The following LCK variants were observed in gnomAD, a reference collection of about 807,000 sequenced individuals.
LCK encodes tyrosine-protein kinase Lck.
LCK carries 14 observed loss-of-function variants against 64.6 expected under a neutral mutation model. The ratio of observed to expected loss-of-function variants is 0.22; its 90% CI spans 0.14 to 0.34. The LOEUF (loss-of-function observed/expected upper bound fraction) is 0.34, where lower values mean the gene tolerates loss of function less well. LCK is among the 10% of genes least tolerant of loss of function. LCK has a pLI of 1.00. For synonymous variants in LCK, 277 were observed against 263.6 expected (o/e 1.05, Z -0.49); for missense variants, 434 against 668.1 (o/e 0.65, Z 3.86).
intron 1 of LCK, among the ~76,000 whole-genome samples, chr1:32,266,599 TC>T (rs1333116292): frequency 1.4e-5 from 2 of 144,060 alleles, no homozygotes; most frequent in African/African-American, 5.2e-5. Flanking sequence ...CTCCTCCTCC[TC>T]CTCCGCCACC....
At chr1:32,281,151 A>C (rs1640445101) in intron 12 of LCK, among the ~76,000 whole-genome samples, 1 of 151,990 alleles carries the variant, frequency 6.6e-6, no homozygotes, top group Non-Finnish European at 1.5e-5. Flanking sequence ...AGGTGGGAGG[A>C]TCACCTGAGC....
At chr1:32,272,534 C>T (rs1385182595) in intron 1 of LCK, among the ~76,000 whole-genome samples, 1 of 142,088 alleles carries the variant, frequency 7.0e-6, no homozygotes, top group Non-Finnish European at 1.5e-5. Context: ...GATTGCGCCA[C>T]TGCACTTCAG....
In LCK at chr1:32,285,747, C is replaced by T. The variant is rs1028665087; in HGVS notation, c.*31C>T. 16 of 1,556,640 alleles carry T rather than the reference C, an allele frequency of 1.0e-5. No individual in the cohort carries two copies. Among genetic ancestry groups the T allele is most frequent in the Non-Finnish European group, 1.4e-5 (16 of 1,149,606 alleles). On this transcript the variant is annotated 3_prime_UTR_variant, in exon 13 of 13. Transcript: ENST00000336890. ...CTTGAGAGGCCCTGGGGTTCTCCCC[C>T]TTTCTCTCCAGCCTGACTTGGGGAG...
At position 32,275,908 on chromosome 1, in the gene LCK, A is replaced by T. The variant is rs550203611; in HGVS notation, c.482-6A>T. The stretch of plus-strand genomic sequence containing the variant: ...CGTCGCTTTGTCCATCCATTCATTC[A>T]TTCAGGATCGTTTTCACTGTCGGTC... On this transcript the variant is annotated splice_polypyrimidine_tract_variant and splice_region_variant and intron_variant, in intron 6 of 12. Coordinates refer to ENST00000336890, the MANE Select transcript of LCK (RefSeq NM_005356.5). The surrounding 1 kb of genome is among the most constrained non-coding windows in gnomAD (Gnocchi z 6.9). 2.5e-6 allele frequency: 4 copies of T among 1,614,084 alleles called. No homozygotes were observed. The African/African-American group carries it at 4.0e-5, about 16-fold the overall frequency.
At chr1:32,254,808 G>A (rs549665311) in intron 1 of LCK, among the ~76,000 whole-genome samples, 43 of 152,176 alleles carry the variant, frequency 2.8e-4, no homozygotes, top group Admixed American at 2.4e-3. Flanking sequence ...CACCTCGCCC[G>A]GCTGTTTTTG....
intron 1 of LCK, among the ~76,000 whole-genome samples, chr1:32,268,193 CA>C (rs900657622): frequency 6.8e-6 from 1 of 146,834 alleles, no homozygotes. Context: ...GACTCTGTCT[CA>C]AAAAAAATAA....
intron 1 of LCK, among the ~76,000 whole-genome samples, chr1:32,262,592 T>A (rs577466000): frequency 6.6e-6 from 1 of 150,410 alleles, no homozygotes; most frequent in East Asian, 2.0e-4. Flanking sequence ...CCTGGCTAAT[T>A]TTTGTATTTT....
intron 12 of LCK, among the ~76,000 whole-genome samples, chr1:32,284,073 G>A (rs1205282545): frequency 2.0e-5 from 3 of 151,534 alleles, no homozygotes; most frequent in African/African-American, 7.3e-5. Context: ...AGTACAGACA[G>A]GTTTTTACTA....
intron 1 of LCK, among the ~76,000 whole-genome samples, chr1:32,266,391 G>C (rs1428870167): frequency 6.6e-6 from 1 of 150,380 alleles, no homozygotes; most frequent in East Asian, 2.0e-4. Flanking sequence ...CCAGCTACTC[G>C]GGAGGCTGAG....
At chr1:32,280,317 C>T in intron 12 of LCK, 107 bp downstream of exon 12, 1 of 1,430,830 alleles carries the variant, frequency 7.0e-7, no homozygotes, top group Non-Finnish European at 9.5e-7. Context: ...GCTGCATCTC[C>T]TCTATCTTCT....
intron 1 of LCK, among the ~76,000 whole-genome samples, chr1:32,265,813 C>T (rs1639892893): frequency 6.6e-6 from 1 of 152,074 alleles, no homozygotes; most frequent in African/African-American, 2.4e-5. Context: ...TATCTCTTCT[C>T]CTTCTCCTCC....
At chr1:32,273,277 T>G (rs1197979655) in intron 1 of LCK, among the ~76,000 whole-genome samples, 1 of 144,174 alleles carries the variant, frequency 6.9e-6, no homozygotes, top group Non-Finnish European at 1.5e-5. Context: ...CTGTGAGGGG[T>G]GAGTGTGTGT....
chr1:32,273,426 G>A (rs1190071910), intron 1 of LCK, among the ~76,000 whole-genome samples: 1 of 151,656 alleles, frequency 6.6e-6, no homozygotes, highest in Non-Finnish European at 1.5e-5. Flanking sequence ...GTGAGAGAGT[G>A]TGTGTGTGGC....
chr1:32,274,579 G>A, intron 2 of LCK, 145 bp downstream of exon 2: 2 of 894,022 alleles, frequency 2.2e-6, no homozygotes, highest in Admixed American at 2.8e-5. Context: ...CCCAGAGAGG[G>A]GAAGGGAATC....
chr1:32,258,768 C>T (rs1639691154), intron 1 of LCK, among the ~76,000 whole-genome samples: 1 of 145,014 alleles, frequency 6.9e-6, no homozygotes, highest in South Asian at 2.2e-4. Flanking sequence ...CACGTCACTG[C>T]ACTCCAGCCT....
At position 32,275,623 on chromosome 1, in the gene LCK, C is replaced by G; in HGVS notation, c.432C>G (p.Pro144=). 1 of 1,573,504 alleles carries G rather than the reference C, an allele frequency of 6.4e-7. No homozygotes were observed. The highest frequency in any genetic ancestry group is 8.6e-7 in the Non-Finnish European group (1 of 1,159,976). ...RKDAERQLLA[P]GNTHGSFLIR... ...ACGCGGAGCGGCAGCTCCTGGCGCC[C>G]GGGAACACTCACGGCTCCTTCCTCA... Residue 144 remains proline, a synonymous_variant, in exon 6 of 13, where the codon CCC becomes CCG. Coordinates refer to ENST00000336890, the MANE Select transcript of LCK (RefSeq NM_005356.5). The surrounding 1 kb of genome is among the most constrained non-coding windows in gnomAD (Gnocchi z 6.9).
chr1:32,255,451 C>A (rs939507914), intron 1 of LCK, among the ~76,000 whole-genome samples: 1 of 152,166 alleles, frequency 6.6e-6, no homozygotes, highest in Non-Finnish European at 1.5e-5. Flanking sequence ...ATGGTGTATG[C>A]GGGATGTCTT....
rs546421828 is a variant in LCK, at chr1:32,251,700, G to A, written c.-6+329G>A. 2.6e-4 allele frequency among the ~76,000 whole-genome samples: 39 copies of A among 152,158 alleles called. No individual in the cohort carries two copies. Among genetic ancestry groups the A allele is most frequent in the Non-Finnish European group, 4.4e-4 (30 of 68,042 alleles). On this transcript the variant is annotated intron_variant, in intron 1 of 12. Transcript: ENST00000336890. The surrounding 1 kb of genome is among the most constrained non-coding windows in gnomAD (Gnocchi z 4.0). ...GCCCAGTCCCTCAGGCCATGAGGAT[G>A]AGGCTCCTGAGGCCCAGAGAGAACA...
intron 1 of LCK, among the ~76,000 whole-genome samples, chr1:32,261,512 G>A (rs753785363): frequency 2.0e-5 from 3 of 149,522 alleles, no homozygotes; most frequent in Non-Finnish European, 4.4e-5. Context: ...TGGGCCTGGT[G>A]GAACGTGACT....
Sources: gnomAD v4.1 joint callset for allele counts (sites outside exome capture counted in the v4.1 genomes callset) on GRCh38, gnomAD v4.1.1 for gene constraint, Gnocchi (gnomAD v3.1) non-coding constraint, MANE v1.5 for transcripts, NCBI Gene and HGNC (gene_info 2026-07-23, HGNC 2026-07-21) for gene names.